SLC7A8: variants seen among roughly 807,000 people sequenced by gnomAD.
The protein encoded by SLC7A8 is solute carrier family 7 member 8.
In SLC7A8, 30 loss-of-function variants were observed where a neutral mutation model predicts 51.2. That is an observed-to-expected ratio of 0.59 (90% CI 0.44 to 0.80). The LOEUF (loss-of-function observed/expected upper bound fraction) is 0.80, where lower values mean the gene tolerates loss of function less well. Among genes scored for constraint, SLC7A8 ranks in the 30% least tolerant of loss-of-function variants. The pLI, the probability that SLC7A8 is intolerant of heterozygous loss-of-function variation, is 0.00. For missense variants in SLC7A8, 612 were observed against 674.4 expected, an observed-to-expected ratio of 0.91 and a Z score of 1.03; for synonymous variants, 257 against 275.8, an observed-to-expected ratio of 0.93 and a Z score of 0.67.
chr14:23,132,729 A>G (rs1392322154), intron 7 of SLC7A8, among the ~76,000 whole-genome samples: 2 of 150,182 alleles, frequency 1.3e-5, no homozygotes, highest in Non-Finnish European at 1.5e-5. Flanking sequence ...TCCGCCTCCC[A>G]GGTTCAAGCG....
At chr14:23,140,279 C>T (rs1011959833) in intron 5 of SLC7A8, among the ~76,000 whole-genome samples, 192 bp downstream of exon 5, 3 of 152,310 alleles carry the variant, frequency 2.0e-5, no homozygotes, top group African/African-American at 7.2e-5. Context: ...GGATCCTTTC[C>T]TCCTCCTGGT....
chr14:23,162,486 C>T (rs896951719), intron 3 of SLC7A8, among the ~76,000 whole-genome samples: 5 of 152,222 alleles, frequency 3.3e-5, no homozygotes, highest in African/African-American at 1.2e-4. Flanking sequence ...GCTGAGAAGG[C>T]AGAGGCCAAA....
At chr14:23,161,108 C>T (rs1242889047) in intron 3 of SLC7A8, among the ~76,000 whole-genome samples, 1 of 151,976 alleles carries the variant, frequency 6.6e-6, no homozygotes, top group Non-Finnish European at 1.5e-5. Context: ...AGTTCCTTCC[C>T]TCTCCCTCTC....
At chr14:23,138,780 G>A (rs965603071) in intron 6 of SLC7A8, among the ~76,000 whole-genome samples, 2 of 152,318 alleles carry the variant, frequency 1.3e-5, no homozygotes, top group East Asian at 1.9e-4. Flanking sequence ...AGAATAGAAG[G>A]CTGTTGGTCA....
chr14:23,142,968 T>A (rs1308764800), intron 4 of SLC7A8, 111 bp downstream of exon 4: 36 of 1,381,124 alleles, frequency 2.6e-5, no homozygotes, highest in Non-Finnish European at 3.5e-5. Context: ...CACTCAAGGC[T>A]AGAATTGGGG....
In SLC7A8 at chr14:23,139,469, A is replaced by G; in HGVS notation, c.867T>C (p.Thr289=). The G allele has an allele frequency of 3.1e-6, 5 of 1,614,156 alleles. No homozygotes were observed. Among genetic ancestry groups the G allele is most frequent in the Non-Finnish European group, 4.2e-6 (5 of 1,179,988 alleles). Residue 289 remains threonine (T), a synonymous_variant, in exon 6 of 11, where the codon ACT becomes ACC. Transcript: ENST00000316902. ...VYVFANVAYV[T]AMSPQELLAS... ...CCAGCAGCTCCTGGGGGGACATTGC[A>G]GTGACATAAGCGACATTGGCAAAGA...
At chr14:23,175,272 C>A (rs1422797456) in intron 1 of SLC7A8, among the ~76,000 whole-genome samples, 1 of 152,126 alleles carries the variant, frequency 6.6e-6, no homozygotes, top group Non-Finnish European at 1.5e-5. Context: ...AGCAGTAGTG[C>A]AACTTGGCTC....
intron 3 of SLC7A8, among the ~76,000 whole-genome samples, chr14:23,159,032 G>C (rs960645868): frequency 2.0e-5 from 3 of 152,082 alleles, no homozygotes; most frequent in African/African-American, 7.2e-5. Context: ...TCCAAGCACT[G>C]TCTTCCCAAC....
intron 8 of SLC7A8, among the ~76,000 whole-genome samples, chr14:23,130,360 A>C (rs1351846417): frequency 2.6e-5 from 4 of 152,152 alleles, no homozygotes; most frequent in Non-Finnish European, 5.9e-5. Context: ...CTTAACCCTC[A>C]TAACATCCCT....
intron 1 of SLC7A8, among the ~76,000 whole-genome samples, chr14:23,178,082 C>T (rs1166177783): frequency 2.0e-5 from 3 of 152,156 alleles, no homozygotes; most frequent in African/African-American, 7.2e-5. Flanking sequence ...CCCTTTGAGC[C>T]TTTATTTCCT....
chr14:23,131,134 G>A (rs1844085205), intron 8 of SLC7A8, among the ~76,000 whole-genome samples: 2 of 152,238 alleles, frequency 1.3e-5, no homozygotes, highest in Admixed American at 1.3e-4. Flanking sequence ...GTGGTAACAG[G>A]TGCGAGGAGA....
At chr14:23,179,462 G>C (rs1374860421) in intron 1 of SLC7A8, among the ~76,000 whole-genome samples, 1 of 151,632 alleles carries the variant, frequency 6.6e-6, no homozygotes, top group Non-Finnish European at 1.5e-5. Context: ...AGTAAGGTAT[G>C]AGAGAGATAG....
rs2140346095 is a variant in SLC7A8, at chr14:23,183,406, G to A, written c.-492C>T. On this transcript the variant is annotated 5_prime_UTR_variant, in exon 1 of 11. Transcript: ENST00000316902. ...ACAAAAGTAGTTTTCATTAACGGTA[G>A]GAAAAAAGAGCAATCCTCAGGTACT... The A allele has an allele frequency of 6.6e-6, 1 of 152,640 alleles. No homozygotes were observed. The highest frequency in any genetic ancestry group is 2.1e-4 in the South Asian group (1 of 4,854). 9.5% of individuals were successfully genotyped at this position (152,640 alleles called of 1,614,324 possible). A position where few individuals can be genotyped will look rare whatever the true frequency, so the allele number is the denominator to read the frequency against.
chr14:23,172,460 A>T (rs983983478), intron 1 of SLC7A8, among the ~76,000 whole-genome samples: 3 of 152,168 alleles, frequency 2.0e-5, no homozygotes, highest in Admixed American at 2.0e-4. Flanking sequence ...TGGACTTTTA[A>T]TGAAACGGAT....
At chr14:23,139,640 C>A (rs974131774) in intron 5 of SLC7A8, 93 bp from the exon 6 acceptor site, 1 of 1,452,514 alleles carries the variant, frequency 6.9e-7, no homozygotes. Context: ...TTTCTGCATG[C>A]GTGTAGCCTT....
At position 23,166,433 on chromosome 14, in the gene SLC7A8, C is replaced by G. The variant is rs371499670; in HGVS notation, c.259G>C (p.Val87Leu). The G allele has an allele frequency of 1.9e-6, 3 of 1,614,186 alleles. No homozygotes were observed. Among genetic ancestry groups the G allele is most frequent in the Non-Finnish European group, 2.5e-6 (3 of 1,180,044 alleles). Reference sequence around the variant, plus strand: ...TCAGCATAGCAGAGGGCTCCCACAACTGTGATGAAGCCCGTCACAATCCAG... The same window carrying G: ...TCAGCATAGCAGAGGGCTCCCACAAGTGTGATGAAGCCCGTCACAATCCAG... Reference protein sequence around the residue: ...IVWIVTGFITVVGALCYAELG... With the variant: ...IVWIVTGFITLVGALCYAELG... The change falls in exon 2 of 11, where the codon GTT (valine) becomes CTT (leucine). Residue 87 changes from valine to leucine, a missense_variant. Physicochemically the swap from Val to Leu is conservative, Grantham distance 32. Coordinates refer to ENST00000316902, the MANE Select transcript of SLC7A8 (RefSeq NM_012244.4).
intron 1 of SLC7A8, among the ~76,000 whole-genome samples, chr14:23,179,479 G>A (rs1877065390): frequency 6.6e-6 from 1 of 151,522 alleles, no homozygotes; most frequent in African/African-American, 2.4e-5. Flanking sequence ...ATAGATTTAG[G>A]GCAAATGTAA....
chr14:23,174,291 T>C (rs1253836616), intron 1 of SLC7A8, among the ~76,000 whole-genome samples: 1 of 152,242 alleles, frequency 6.6e-6, no homozygotes, highest in African/African-American at 2.4e-5. Context: ...ACAAGCACCT[T>C]TAAAACGTGG....
In SLC7A8 at chr14:23,128,360, A is replaced by G. The variant is rs1303139043; in HGVS notation, c.1264-164T>C. On this transcript the variant is annotated intron_variant, in intron 9 of 10. Coordinates refer to ENST00000316902, the MANE Select transcript of SLC7A8 (RefSeq NM_012244.4). This position sits in a 1 kb window ranked among gnomAD's most constrained non-coding sequence, Gnocchi z 4.3. ...GTCCCACACTCACCCCTGGTAGGGC[A>G]GGGGCTATATAAACAAATGTTGATG... is the stretch of plus-strand genomic sequence containing the variant. The G allele has an allele frequency of 3.9e-6, 6 of 1,536,236 alleles. No homozygotes were observed. The highest frequency in any genetic ancestry group is 2.0e-5 in the Admixed American group (1 of 50,916).
Sources: allele counts gnomAD v4.1 joint callset (sites outside exome capture counted in the v4.1 genomes callset), GRCh38; gene constraint gnomAD v4.1.1; non-coding constraint Gnocchi (gnomAD v3.1); transcripts MANE v1.5; gene names NCBI Gene and HGNC (gene_info 2026-07-23, HGNC 2026-07-21).